The following DTD1 variants were observed in gnomAD, a reference collection of about 807,000 sequenced individuals.
DTD1 encodes the protein D-tyrosyl-tRNA deacylase 1 homolog.
DTD1 carries 13 observed loss-of-function variants against 25.6 expected under a neutral mutation model. The ratio of observed to expected loss-of-function variants is 0.51; its 90% confidence interval spans 0.33 to 0.81. The LOEUF (loss-of-function observed/expected upper bound fraction) is 0.81, where lower values mean the gene tolerates loss of function less well. DTD1 is among the 30% of genes least tolerant of loss of function. DTD1 has a pLI of 0.02. For missense variants in DTD1, 193 were observed against 266.4 expected (o/e 0.72, Z 1.92); for synonymous variants, 110 against 103.6 (o/e 1.06, Z -0.37).
intron 3 of DTD1, among the ~76,000 whole-genome samples, chr20:18,624,200 G>A (rs1475614697): frequency 6.6e-6 from 1 of 152,070 alleles, no homozygotes; most frequent in African/African-American, 2.4e-5. Context: ...TATTCCCTAG[G>A]CTGTTTCCCA....
At chr20:18,589,375 CCAAAACAAAAAACAAAA>C (rs2060579992) in intron 1 of DTD1, among the ~76,000 whole-genome samples, 1 of 106,442 alleles carries the variant, frequency 9.4e-6, no homozygotes, top group Non-Finnish European at 2.1e-5. Context: ...AAACAAAACC[CCAAAACAAAAAACAAAA>C]CAAAACAAAA....
intron 4 of DTD1, among the ~76,000 whole-genome samples, chr20:18,729,267 T>G (rs2061232559): frequency 6.6e-6 from 1 of 152,224 alleles, no homozygotes; most frequent in Non-Finnish European, 1.5e-5. Flanking sequence ...GGCTAAGGCT[T>G]TTATAGATAC....
chr20:18,660,287 ATGGCTTACT>A (rs1268249064), intron 4 of DTD1, among the ~76,000 whole-genome samples: 1 of 152,180 alleles, frequency 6.6e-6, no homozygotes, highest in Non-Finnish European at 1.5e-5. Context: ...TGGTGTGATC[ATGGCTTACT>A]GCAGCCTCAA....
chr20:18,652,834 A>G (rs2060879154), intron 4 of DTD1, among the ~76,000 whole-genome samples: 1 of 152,206 alleles, frequency 6.6e-6, no homozygotes, highest in African/African-American at 2.4e-5. Context: ...CTATGCAGAT[A>G]TGGGGTGGGA....
At chr20:18,752,421 C>T (rs1399714959) in intron 5 of DTD1, among the ~76,000 whole-genome samples, 1 of 151,932 alleles carries the variant, frequency 6.6e-6, no homozygotes, top group Non-Finnish European at 1.5e-5. Context: ...TTTGTAATGA[C>T]CTATCTTTGA....
chr20:18,594,997 A>AT (rs2060604365), intron 2 of DTD1, among the ~76,000 whole-genome samples: 1 of 152,194 alleles, frequency 6.6e-6, no homozygotes, highest in Non-Finnish European at 1.5e-5. Context: ...ACTGTCATCT[A>AT]CTTAACATCA....
intron 4 of DTD1, among the ~76,000 whole-genome samples, chr20:18,740,309 G>GTTTT (rs1223474867): frequency 6.8e-6 from 1 of 147,426 alleles, no homozygotes. Flanking sequence ...TTCACATTTT[G>GTTTT]TTTTTTTTTT....
intron 4 of DTD1, 132 bp downstream of exon 4, chr20:18,628,365 C>A: frequency 1.4e-6 from 1 of 712,748 alleles, no homozygotes. Context: ...ACCTGCCTTC[C>A]CAAGAGTGCA....
chr20:18,765,063 A>C lies in DTD1; in HGVS notation c.*1723A>C, dbSNP rs2061375651. On this transcript the variant is annotated 3_prime_UTR_variant, in exon 6 of 6. Transcript: ENST00000377452. Reference sequence around the variant, plus strand: ...GACATTTGGATGGTGGTAAAATGCTAAAGGCCTTTGTTGGTCACAGCCCAG... The same window carrying C: ...GACATTTGGATGGTGGTAAAATGCTCAAGGCCTTTGTTGGTCACAGCCCAG... 6.6e-6 allele frequency: 1 copy of C among 152,174 alleles called. No homozygotes were observed. The highest frequency in any genetic ancestry group is 1.5e-5 in the Non-Finnish European group (1 of 68,032). The allele number at this position is 152,174 out of a possible 1,614,324, so 9.4% of individuals were successfully genotyped here.
At chr20:18,654,540 C>T (rs916646277) in intron 4 of DTD1, among the ~76,000 whole-genome samples, 3 of 152,232 alleles carry the variant, frequency 2.0e-5, no homozygotes, top group Non-Finnish European at 4.4e-5. Flanking sequence ...AAGGCCAGCT[C>T]AGTTCAGTGT....
At chr20:18,616,227 TCTTTC>T (rs1156523992) in intron 3 of DTD1, among the ~76,000 whole-genome samples, 3 of 152,020 alleles carry the variant, frequency 2.0e-5, no homozygotes, top group Non-Finnish European at 4.4e-5. Context: ...TTTCTCTCAT[TCTTTC>T]CTTTTCTTTC....
intron 4 of DTD1, among the ~76,000 whole-genome samples, chr20:18,725,221 G>C (rs2061218883): frequency 6.6e-6 from 1 of 152,172 alleles, no homozygotes; most frequent in Non-Finnish European, 1.5e-5. Flanking sequence ...AGTAACTTTT[G>C]GGTCACCAGG....
chr20:18,666,721 A>G lies in DTD1; in HGVS notation c.477+38488A>G, dbSNP rs1416582966. 2.0e-5 allele frequency among the ~76,000 whole-genome samples: 3 copies of G among 152,194 alleles called. No homozygotes were observed. In the East Asian group the frequency reaches 5.8e-4, roughly 29 times the overall value. On this transcript the variant is annotated intron_variant, in intron 4 of 5. Coordinates refer to ENST00000377452, the MANE Select transcript of DTD1 (RefSeq NM_080820.6). ...CTGTCATCCTTCAGCAGAGTTTGATATACTTTAGTGATTGTACTTTCTCTA... is the reference window on the plus strand; with the variant it reads ...CTGTCATCCTTCAGCAGAGTTTGATGTACTTTAGTGATTGTACTTTCTCTA...
At chr20:18,711,833 C>T (rs949268620) in intron 4 of DTD1, among the ~76,000 whole-genome samples, 1 of 147,666 alleles carries the variant, frequency 6.8e-6, no homozygotes, top group African/African-American at 2.5e-5. Flanking sequence ...CACTTGGGGT[C>T]AGGAGTTTGA....
At chr20:18,721,248 G>GTT (rs1006866505) in intron 4 of DTD1, among the ~76,000 whole-genome samples, 1 of 151,826 alleles carries the variant, frequency 6.6e-6, no homozygotes, top group Non-Finnish European at 1.5e-5. Context: ...GTTTGAGCAC[G>GTT]TTTTTTTTCT....
chr20:18,753,385 A>G (rs2061327784), intron 5 of DTD1, among the ~76,000 whole-genome samples: 1 of 152,108 alleles, frequency 6.6e-6, no homozygotes, highest in Non-Finnish European at 1.5e-5. Context: ...AGGCGGGTGG[A>G]TCACCTGAGG....
chr20:18,713,781 CCATT>C (rs984708138), intron 4 of DTD1, among the ~76,000 whole-genome samples: 3 of 152,188 alleles, frequency 2.0e-5, no homozygotes, highest in Admixed American at 6.5e-5. Flanking sequence ...GCACTGAAGA[CCATT>C]CAGTGTCTTC....
intron 4 of DTD1, among the ~76,000 whole-genome samples, chr20:18,692,668 A>C (rs2061051997): frequency 6.6e-6 from 1 of 152,180 alleles, no homozygotes; most frequent in Non-Finnish European, 1.5e-5. Context: ...GACTGCCTGG[A>C]AGGAGAGCTG....
intron 4 of DTD1, among the ~76,000 whole-genome samples, chr20:18,647,103 A>C (rs2060853232): frequency 6.6e-6 from 1 of 152,232 alleles, no homozygotes; most frequent in Non-Finnish European, 1.5e-5. Flanking sequence ...GAAATAACAA[A>C]TGCAAATAAC....
Sources: allele counts gnomAD v4.1 joint callset (sites outside exome capture counted in the v4.1 genomes callset), GRCh38; gene constraint gnomAD v4.1.1; transcripts MANE v1.5; gene names NCBI Gene and HGNC (gene_info 2026-07-23, HGNC 2026-07-21).